The following SVIL variants were observed in gnomAD, a reference collection of about 807,000 sequenced individuals.
SVIL encodes the protein archvillin.
A neutral mutation model predicts 240.4 loss-of-function variants in SVIL; 101 were observed. The observed-to-expected ratio is 0.42, with a 90% CI of 0.36 to 0.50. The LOEUF (loss-of-function observed/expected upper bound fraction) is 0.50. Among genes scored for constraint, SVIL ranks in the 20% least tolerant of loss-of-function variants. The pLI is 0.01. For missense variants in SVIL, 2,512 were observed against 2,818.7 expected (o/e 0.89, Z 2.46); for synonymous variants, 999 against 1,100.0 (o/e 0.91, Z 1.82).
At position 29,457,358 on chromosome 10, in the gene SVIL, T is replaced by C. The variant is rs1943692885; in HGVS notation, c.*889A>G. The stretch of plus-strand genomic sequence containing the variant: ...TGGAATTCAATGTGAACCAGTTAAT[T>C]GTTGTGTTTATTCTGATACTTTTAT... On this transcript the variant is annotated 3_prime_UTR_variant, in exon 38 of 38. Transcript: ENST00000355867. 1 of 152,112 alleles carries C rather than the reference T, an allele frequency of 6.6e-6. No homozygotes were observed. Among genetic ancestry groups the C allele is most frequent in the Admixed American group, 6.5e-5 (1 of 15,278 alleles). 9.4% of individuals were successfully genotyped at this position (152,112 alleles called of 1,614,324 possible). A position where few individuals can be genotyped will look rare whatever the true frequency, so the allele number is the denominator to read the frequency against.
intron 1 of SVIL, among the ~76,000 whole-genome samples, chr10:29,593,273 C>T (rs903429669): frequency 1.3e-5 from 2 of 152,220 alleles, no homozygotes; most frequent in African/African-American, 2.4e-5. Flanking sequence ...CCACAGTCCT[C>T]TGCAGGCTCT....
chr10:29,681,405 T>C (rs1398435627), intron 2 of SVIL, among the ~76,000 whole-genome samples: 2 of 53,570 alleles, frequency 3.7e-5, no homozygotes, highest in Admixed American at 2.2e-4. Flanking sequence ...AAAGATGGAA[T>C]GGTGTGTGTG....
intron 1 of SVIL, among the ~76,000 whole-genome samples, chr10:29,609,178 A>G (rs1247429): frequency 0.42 from 63,852 of 152,066 alleles, 13,597 homozygotes; most frequent in African/African-American, 0.46. Context: ...TCCTAGACAC[A>G]GGACAAGAAC....
In SVIL at chr10:29,523,467, C is replaced by T. The variant is rs1950693566; in HGVS notation, c.3147G>A (p.Arg1049=). The T allele has an allele frequency of 6.2e-7, 1 of 1,603,454 alleles. No individual in the cohort carries two copies. Residue 1049 remains arginine, a synonymous_variant, in exon 15 of 38, where the codon AGG becomes AGA. Transcript: ENST00000355867. The part of the protein sequence containing the change: ...EKVEVENVMK[R]KFSLRAAEFG... ...GTCACTTACCTCTTAGTGAAAACTT[C>T]CTTTTCATAACATTCTCCACCTCCA... is the stretch of plus-strand genomic sequence containing the variant.
At chr10:29,590,859 T>C (rs183015815) in intron 1 of SVIL, among the ~76,000 whole-genome samples, 4 of 152,128 alleles carry the variant, frequency 2.6e-5, no homozygotes, top group African/African-American at 4.8e-5. Context: ...GCACTATACC[T>C]CCCCCTGGTG....
intron 5 of SVIL, among the ~76,000 whole-genome samples, chr10:29,552,124 CA>C (rs775475412): frequency 0.047 from 6,683 of 142,806 alleles, 420 homozygotes; most frequent in African/African-American, 0.14. Context: ...TCTCAAAAAA[CA>C]AAACAAAAAA....
chr10:29,657,836 C>T (rs1222775809), intron 3 of SVIL: 2 of 152,206 alleles, frequency 1.3e-5, no homozygotes, highest in Non-Finnish European at 2.9e-5. Flanking sequence ...TAATCTTCTT[C>T]GAGCTCTGGT....
chr10:29,491,341 C>T (rs908421046), intron 21 of SVIL, among the ~76,000 whole-genome samples: 48 of 152,228 alleles, frequency 3.2e-4, no homozygotes, highest in Middle Eastern at 3.4e-3. Context: ...TCTTCCCTCC[C>T]CCCTACCACG....
intron 3 of SVIL, among the ~76,000 whole-genome samples, chr10:29,656,364 T>C (rs1411120552): frequency 6.6e-6 from 1 of 151,738 alleles, no homozygotes; most frequent in Admixed American, 6.6e-5. Context: ...TATTTTAAAG[T>C]CCCCACCCAT....
At chr10:29,507,797 A>G (rs891943619) in intron 17 of SVIL, 22 of 985,236 alleles carry the variant, frequency 2.2e-5, no homozygotes, top group Non-Finnish European at 2.7e-5. Context: ...GAGAATAAGT[A>G]GAAGCATATA....
In SVIL at chr10:29,533,440, T is replaced by C. The variant is rs573885240; in HGVS notation, c.927A>G (p.Lys309=). The C allele has an allele frequency of 3.3e-5, 54 of 1,612,782 alleles. No homozygotes were observed. Among genetic ancestry groups the C allele is most frequent in the Admixed American group, 3.3e-4 (20 of 59,898 alleles). The change falls in exon 8 of 38, where the codon AAA becomes AAG. Residue 309 remains lysine (K), a synonymous_variant. Transcript: ENST00000355867. ...TTCGAGCACTTTCCTCTTTCACCAA[T>C]TTTTCTCTAACTTTAACTCTTTAAG... ...NWPSRVKVRE[K]LVKEESARNS... is the part of the protein sequence containing the mutation.
intron 2 of SVIL, among the ~76,000 whole-genome samples, chr10:29,566,451 G>T (rs546373387): frequency 1.2e-3 from 186 of 152,244 alleles, no homozygotes; most frequent in African/African-American, 4.4e-3. Context: ...GGCAGACTGG[G>T]CTGGAAAGTG....
Position 29,524,591 on chromosome 10 carries a change from T to C in SVIL, c.2467A>G (p.Asn823Asp). Reference protein sequence around the residue: ...LSLAEKLALFNKLSQPVSKAI... With the variant: ...LSLAEKLALFDKLSQPVSKAI... ...TTTGAGACTGGCTGGGACAATTTGT[T>C]AAACAAGGCCAACTTTTCGGCCAAG... The change falls in exon 14 of 38, where the codon AAC becomes GAC. Residue 823 changes from asparagine to aspartate, a missense_variant. This residue lies in a region of SVIL where 1,443 missense variants were observed against 1,486.6 expected (regional missense o/e 0.97). Transcript: ENST00000355867. The C allele has an allele frequency of 6.2e-7, 1 of 1,614,160 alleles. No individual in the cohort carries two copies. The highest frequency in any genetic ancestry group is 1.1e-5 in the South Asian group (1 of 91,084).
intron 17 of SVIL, among the ~76,000 whole-genome samples, chr10:29,501,340 T>C (rs1335315430): frequency 2.0e-5 from 3 of 151,282 alleles, no homozygotes; most frequent in Non-Finnish European, 4.4e-5. Flanking sequence ...TCTTTGACTT[T>C]AGGAAATAAA....
At chr10:29,518,227 A>C (rs1950340227) in intron 16 of SVIL, among the ~76,000 whole-genome samples, 2 of 152,140 alleles carry the variant, frequency 1.3e-5, no homozygotes, top group African/African-American at 2.4e-5. Flanking sequence ...GTCTCTACTA[A>C]AAATACAAAA....
intron 1 of SVIL, among the ~76,000 whole-genome samples, chr10:29,603,706 T>C (rs986812777): frequency 1.3e-5 from 2 of 152,206 alleles, no homozygotes; most frequent in African/African-American, 4.8e-5. Context: ...TTCATGGAAC[T>C]ACTCACCCAG....
chr10:29,545,081 G>T (rs1468521173), intron 6 of SVIL: 2 of 534,570 alleles, frequency 3.7e-6, no homozygotes, highest in Non-Finnish European at 7.7e-6. Context: ...AGCGTGGAAG[G>T]TCAAGCACGA....
chr10:29,653,422 A>T (rs1214236216), intron 3 of SVIL, among the ~76,000 whole-genome samples: 1 of 152,132 alleles, frequency 6.6e-6, no homozygotes, highest in East Asian at 1.9e-4. Flanking sequence ...TATGACCTGA[A>T]GATCCATCAG....
chr10:29,483,923 G>A (rs1437560864), intron 27 of SVIL: 1 of 152,180 alleles, frequency 6.6e-6, no homozygotes, highest in Non-Finnish European at 1.5e-5. Context: ...ATTCTATGCT[G>A]TTTGGTGGTT....
Sources: allele counts gnomAD v4.1 joint callset (sites outside exome capture counted in the v4.1 genomes callset), GRCh38; gene constraint gnomAD v4.1.1; regional missense constraint gnomAD v4.1.1; transcripts MANE v1.5; gene names NCBI Gene and HGNC (gene_info 2026-07-23, HGNC 2026-07-21).